UGT1A10: variants seen among roughly 807,000 people sequenced by gnomAD.
The protein encoded by UGT1A10 is UDP-glucuronosyltransferase 1A10.
Under a neutral mutation model 45.8 loss-of-function variants are expected in UGT1A10, and 49 were observed. That is an observed-to-expected ratio of 1.07 (90% CI 0.85 to 1.36). UGT1A10 has a LOEUF of 1.36. Ranked by LOEUF, UGT1A10 falls within the 40% of genes most tolerant of loss-of-function variation. UGT1A10 has a pLI of 0.00. For synonymous variants in UGT1A10, 284 were observed against 249.7 expected (o/e 1.14, Z -1.29); for missense variants, 745 against 668.6 (o/e 1.11, Z -1.26).
At chr2:233,685,738 T>A (rs1249297819) in intron 1 of UGT1A10, among the ~76,000 whole-genome samples, 1 of 152,232 alleles carries the variant, frequency 6.6e-6, no homozygotes, top group Non-Finnish European at 1.5e-5. Flanking sequence ...TCTTTCTCCA[T>A]TTTTTCTTCC....
At chr2:233,692,833 A>G (rs2075116661) in intron 1 of UGT1A10, 2 of 1,445,564 alleles carry the variant, frequency 1.4e-6, no homozygotes, top group Non-Finnish European at 1.8e-6. Context: ...TGTGATTAAA[A>G]TGGTTAAATA....
At chr2:233,716,940 T>A (rs2076534957) in intron 1 of UGT1A10, among the ~76,000 whole-genome samples, 1 of 152,150 alleles carries the variant, frequency 6.6e-6, no homozygotes, top group Non-Finnish European at 1.5e-5. Flanking sequence ...GCTCCTCCTA[T>A]TTCCCAGGCA....
intron 1 of UGT1A10, among the ~76,000 whole-genome samples, chr2:233,733,802 G>A (rs2078438664): frequency 6.6e-6 from 1 of 152,152 alleles, no homozygotes; most frequent in African/African-American, 2.4e-5. Flanking sequence ...TTTGGTATCA[G>A]GATGATGCTG....
intron 1 of UGT1A10, chr2:233,708,366 T>C (rs1157457185): frequency 1.3e-5 from 2 of 152,232 alleles, no homozygotes; most frequent in South Asian, 2.1e-4. Context: ...TAATTCTTCA[T>C]TTAAACGTCT....
intron 1 of UGT1A10, chr2:233,712,956 G>A: frequency 1.2e-6 from 2 of 1,612,860 alleles, no homozygotes; most frequent in Non-Finnish European, 1.7e-6. Flanking sequence ...GGCACAACGT[G>A]GGGTGGACAG....
intron 1 of UGT1A10, among the ~76,000 whole-genome samples, chr2:233,687,728 C>A (rs985451430): frequency 6.6e-5 from 10 of 151,756 alleles, no homozygotes; most frequent in Non-Finnish European, 8.8e-5. Context: ...CATAGGGAGA[C>A]ACTGTCTCTA....
At position 233,767,890 on chromosome 2, in the gene UGT1A10, G is replaced by A. The variant is rs770433443; in HGVS notation, c.1029G>A (p.Ala343=). The A allele has an allele frequency of 2.3e-5, 37 of 1,613,976 alleles. 1 individual carries two copies. The highest frequency in any genetic ancestry group is 1.6e-4 in the Middle Eastern group (1 of 6,082). The part of the protein sequence containing the change: ...RYTGTRPSNL[A]NNTILVKWLP... ...CTGGAACCCGACCATCGAATCTTGC[G>A]AACAACACGATACTTGTTAAGTGGC... is the stretch of plus-strand genomic sequence containing the variant. The change falls in exon 3 of 5, where the codon GCG becomes GCA. Residue 343 remains alanine (A), a synonymous_variant. Transcript: ENST00000344644.
At chr2:233,742,446 G>A (rs1691980531) in intron 1 of UGT1A10, among the ~76,000 whole-genome samples, 1 of 151,938 alleles carries the variant, frequency 6.6e-6, no homozygotes, top group South Asian at 2.1e-4. Flanking sequence ...GGTGGGCCAG[G>A]TGTTCCTTGC....
chr2:233,721,491 G>A (rs1273108761), intron 1 of UGT1A10: 2 of 174,316 alleles, frequency 1.1e-5, no homozygotes, highest in East Asian at 1.8e-4. Flanking sequence ...TATTATTTTA[G>A]TTTAATTGCA....
rs1260954458 is a variant in UGT1A10, at chr2:233,760,768, G to A, written c.856-6266G>A. ...TTTCCTTCCTTGCAGCCCCATCGTG[G>A]CCCAGTACCTGTCTCTGCCCACTGT... is the stretch of plus-strand genomic sequence containing the variant. On this transcript the variant is annotated intron_variant, in intron 1 of 4. Coordinates refer to ENST00000344644, the MANE Select transcript of UGT1A10 (RefSeq NM_019075.4). 3.1e-6 allele frequency: 5 copies of A among 1,613,838 alleles called. 1 individual carries two copies. The highest frequency in any genetic ancestry group is 3.4e-6 in the Non-Finnish European group (4 of 1,179,918).
At chr2:233,701,814 A>G (rs2075653740) in intron 1 of UGT1A10, among the ~76,000 whole-genome samples, 1 of 152,220 alleles carries the variant, frequency 6.6e-6, no homozygotes, top group Non-Finnish European at 1.5e-5. Context: ...AAGACACAAC[A>G]TACCAGAATC....
chr2:233,682,287 T>G (rs2074570002), intron 1 of UGT1A10: 21 of 1,614,096 alleles, frequency 1.3e-5, no homozygotes, highest in Non-Finnish European at 1.7e-5. Context: ...AATGGTATTT[T>G]TGACTTATTT....
chr2:233,755,356 C>A (rs1290050168), intron 1 of UGT1A10: 4 of 377,426 alleles, frequency 1.1e-5, no homozygotes, highest in Admixed American at 3.8e-5. Flanking sequence ...GCTTGGCGAC[C>A]TGGGCCGCCT....
At chr2:233,659,780 A>G (rs1218011305) in intron 1 of UGT1A10, among the ~76,000 whole-genome samples, 2 of 152,224 alleles carry the variant, frequency 1.3e-5, no homozygotes, top group African/African-American at 4.8e-5. Flanking sequence ...TTCAGTGCCC[A>G]TATCATAGAA....
At position 233,768,257 on chromosome 2, in the gene UGT1A10, T is replaced by C. The variant is rs139698110; in HGVS notation, c.1113T>C (p.Gly371=). ...CCCGTGCCTTTATCACCCATGCTGG[T>C]TCCCATGGTGTTTATGAAAGCATAT... ...PMTRAFITHA[G]SHGVYESICN... is the part of the protein sequence containing the mutation. The change falls in exon 4 of 5, where the codon GGT becomes GGC. Residue 371 remains glycine, a synonymous_variant. Transcript: ENST00000344644. 1.8e-3 allele frequency: 2,975 copies of C among 1,614,198 alleles called. 7 individuals are homozygous for C. Among genetic ancestry groups the C allele is most frequent in the Non-Finnish European group, 2.4e-3 (2,868 of 1,180,032 alleles).
rs1341350093 is a variant in UGT1A10, at chr2:233,769,045, A to G, written c.1295+606A>G. ...AGTTGCCATAATAGACATCTGATCC[A>G]TAAGTTTCCTGCACAGAAAGAAATA... On this transcript the variant is annotated intron_variant, in intron 4 of 4. Transcript: ENST00000344644. This position sits in a 1 kb window ranked among gnomAD's most constrained non-coding sequence, Gnocchi z 4.4. Among the ~76,000 whole-genome samples, 2 of 152,222 alleles carry G rather than the reference A, an allele frequency of 1.3e-5. No homozygotes were observed. Among genetic ancestry groups the G allele is most frequent in the African/African-American group, 2.4e-5 (1 of 41,450 alleles).
chr2:233,742,094 GA>G (rs1559385588), intron 1 of UGT1A10: 1 of 151,908 alleles, frequency 6.6e-6, no homozygotes, highest in East Asian at 1.9e-4. Context: ...ACATTTCCAG[GA>G]CCCACTGCCA....
chr2:233,640,536 A>T (rs1336876515), intron 1 of UGT1A10, among the ~76,000 whole-genome samples: 4 of 152,172 alleles, frequency 2.6e-5, no homozygotes, highest in African/African-American at 9.7e-5. Flanking sequence ...TTTTATGTTG[A>T]TCTATGGAAC....
intron 1 of UGT1A10, among the ~76,000 whole-genome samples, chr2:233,724,843 CA>C (rs1314943677): frequency 7.6e-6 from 1 of 132,312 alleles, no homozygotes; most frequent in Non-Finnish European, 1.6e-5. Context: ...GAGGCCAAGG[CA>C]GGCGGCTGGG....
Sources: allele counts gnomAD v4.1 joint callset (sites outside exome capture counted in the v4.1 genomes callset), GRCh38; gene constraint gnomAD v4.1.1; non-coding constraint Gnocchi (gnomAD v3.1); transcripts MANE v1.5; gene names NCBI Gene and HGNC (gene_info 2026-07-23, HGNC 2026-07-21).